LRRC36: variants seen among roughly 807,000 people sequenced by gnomAD.
The protein encoded by LRRC36 is leucine-rich repeat-containing protein 36.
In LRRC36, 62 loss-of-function variants were observed where a neutral mutation model predicts 81.1. That is an observed-to-expected ratio of 0.76 (90% confidence interval 0.62 to 0.94). The LOEUF is 0.94. Among genes scored for constraint, LRRC36 ranks in the 40% least tolerant of loss-of-function variants. LRRC36 has a pLI of 0.00. For synonymous variants in LRRC36, 334 were observed against 348.6 expected, an observed-to-expected ratio of 0.96 and a Z score of 0.47; for missense variants, 761 against 881.7, an observed-to-expected ratio of 0.86 and a Z score of 1.73.
chr16:67,377,457 A>G (rs2039944750), intron 11 of LRRC36, among the ~76,000 whole-genome samples: 1 of 151,796 alleles, frequency 6.6e-6, no homozygotes. Context: ...TCAGCCTCCC[A>G]AGTAGCTGGG....
In LRRC36 at chr16:67,355,488, C is replaced by A. The variant is rs1020152336; in HGVS notation, c.577+5198C>A. On this transcript the variant is annotated intron_variant, in intron 5 of 13. Coordinates refer to ENST00000329956, the MANE Select transcript of LRRC36 (RefSeq NM_018296.6). The stretch of plus-strand genomic sequence containing the variant: ...CTCCCGGGTTCACGCCATTCTCCTG[C>A]CTCAGCCTCCCAAGTAGCTGGGACT... 3.0e-3 allele frequency among the ~76,000 whole-genome samples: 450 copies of A among 148,098 alleles called. 2 individuals carry two copies. The highest frequency in any genetic ancestry group is 0.011 in the African/African-American group (430 of 40,528).
At chr16:67,354,864 C>T (rs2038827445) in intron 5 of LRRC36, among the ~76,000 whole-genome samples, 1 of 152,170 alleles carries the variant, frequency 6.6e-6, no homozygotes, top group African/African-American at 2.4e-5. Flanking sequence ...GTTGTAGTAT[C>T]ATACAAAAAT....
chr16:67,381,887 G>A (rs1246997418), intron 12 of LRRC36, among the ~76,000 whole-genome samples: 1 of 152,168 alleles, frequency 6.6e-6, no homozygotes, highest in Non-Finnish European at 1.5e-5. Context: ...AAAGTGCTGG[G>A]ATTACAGGCG....
Position 67,346,358 on chromosome 16 carries a change from G to T in LRRC36, c.301G>T (p.Glu101Ter). The change falls in exon 3 of 14, where the codon GAA becomes TAA. Residue 101 changes from glutamate (E) to a stop codon, truncating the protein, a stop_gained. Transcript: ENST00000329956. LOFTEE classifies it high-confidence loss of function. ...SRLQPLPFLKELDLRLNPVVR... is the reference protein window; with the variant it reads ...SRLQPLPFLK The stretch of plus-strand genomic sequence containing the variant: ...TCTACAACCGTTACCCTTCCTCAAA[G>T]AACTGGATTTGAGACTTAATCCTGT... 1 of 1,612,042 alleles carries T rather than the reference G, an allele frequency of 6.2e-7. No homozygotes were observed. Among genetic ancestry groups the T allele is most frequent in the Non-Finnish European group, 8.5e-7 (1 of 1,178,290 alleles).
Position 67,367,219 on chromosome 16 carries a change from C to T in LRRC36, c.957C>T (p.Ile319=). ...TGGATGTGGGTGATTCTAGCCAGAT[C>T]CATCCCTATCAGTTACCTTCAGATG... ...KCLDVGDSSQ[I]HPYQLPSDVG... is the part of the protein sequence containing the mutation. Residue 319 remains isoleucine (I), a synonymous_variant, in exon 8 of 14, where the codon ATC becomes ATT. Transcript: ENST00000329956. The T allele has an allele frequency of 1.2e-6, 2 of 1,614,164 alleles. No individual in the cohort carries two copies. Among genetic ancestry groups the T allele is most frequent in the Non-Finnish European group, 1.7e-6 (2 of 1,180,004 alleles).
At chr16:67,329,045 G>C (rs914854245) in intron 1 of LRRC36, among the ~76,000 whole-genome samples, 10 of 152,026 alleles carry the variant, frequency 6.6e-5, no homozygotes, top group Non-Finnish European at 1.5e-4. Flanking sequence ...AAGTAGCTGG[G>C]ACTACAGGCA....
At chr16:67,365,278 T>C in intron 6 of LRRC36, 26 bp from the exon 7 acceptor site, 1 of 1,573,548 alleles carries the variant, frequency 6.4e-7, no homozygotes, top group African/African-American at 1.3e-5. Context: ...GACTTCCTTC[T>C]ACCTAAACTT....
intron 12 of LRRC36, among the ~76,000 whole-genome samples, chr16:67,381,621 A>T (rs1034567155): frequency 6.7e-6 from 1 of 149,048 alleles, no homozygotes; most frequent in Non-Finnish European, 1.5e-5. Flanking sequence ...CATGTGCAAT[A>T]TTTTTTTTTT....
chr16:67,350,391 C>T (rs1255152360), intron 5 of LRRC36, 101 bp downstream of exon 5: 1 of 979,706 alleles, frequency 1.0e-6, no homozygotes, highest in African/African-American at 1.6e-5. Flanking sequence ...TGAGAAAGAA[C>T]CAATTTGAAG....
At chr16:67,330,749 C>A (rs1166787982) in intron 1 of LRRC36, among the ~76,000 whole-genome samples, 1 of 151,970 alleles carries the variant, frequency 6.6e-6, no homozygotes, top group Non-Finnish European at 1.5e-5. Context: ...CCTATAATCC[C>A]AGCTACTCAG....
chr16:67,363,346 C>A (rs1336119767), intron 5 of LRRC36, among the ~76,000 whole-genome samples: 1 of 152,172 alleles, frequency 6.6e-6, no homozygotes, highest in African/African-American at 2.4e-5. Context: ...TATCCATTAT[C>A]CTGTTTTAAC....
Position 67,365,294 on chromosome 16 carries a change from CT to C in LRRC36, c.703-3del, listed in dbSNP as rs758480873. On this transcript the variant is annotated splice_polypyrimidine_tract_variant and intron_variant, in intron 6 of 13. Transcript: ENST00000329956. Reference sequence around the variant, plus strand: ...ACTTCCTTCTACCTAAACTTTCGAACTTTTTTTAGACACAGGAAGTAGCAAG... The same window carrying C: ...ACTTCCTTCTACCTAAACTTTCGAACTTTTTTAGACACAGGAAGTAGCAAG... 3.1e-6 allele frequency: 5 copies of C among 1,611,216 alleles called. No homozygotes were observed. The highest frequency in any genetic ancestry group is 2.2e-5 in the South Asian group (2 of 90,766).
At chr16:67,376,661 C>T (rs1479885854) in intron 10 of LRRC36, 66 bp from the exon 11 acceptor site, 52 of 1,516,382 alleles carry the variant, frequency 3.4e-5, no homozygotes, top group Non-Finnish European at 4.7e-5. Flanking sequence ...CTGGTAGTTA[C>T]TGACTAGGAA....
intron 12 of LRRC36, among the ~76,000 whole-genome samples, chr16:67,380,168 A>T (rs1479055184): frequency 6.6e-6 from 1 of 152,188 alleles, no homozygotes; most frequent in African/African-American, 2.4e-5. Flanking sequence ...GCTGCTATTA[A>T]TGTCTATGTA....
chr16:67,336,473 C>T (rs191083434), intron 1 of LRRC36, among the ~76,000 whole-genome samples: 41 of 152,322 alleles, frequency 2.7e-4, no homozygotes, highest in African/African-American at 9.6e-4. Context: ...CACATCCTCA[C>T]CAACATTTAG....
chr16:67,365,522 T>C (rs1449832949), intron 7 of LRRC36, among the ~76,000 whole-genome samples, 167 bp downstream of exon 7: 1 of 152,240 alleles, frequency 6.6e-6, no homozygotes, highest in East Asian at 1.9e-4. Flanking sequence ...GTGAGACTTT[T>C]CTGCTTAAAG....
At chr16:67,382,423 A>C (rs1206782969) in intron 13 of LRRC36, among the ~76,000 whole-genome samples, 176 bp downstream of exon 13, 1 of 152,226 alleles carries the variant, frequency 6.6e-6, no homozygotes, top group Non-Finnish European at 1.5e-5. Context: ...GCTTCCCAGG[A>C]CACATCAGGG....
intron 5 of LRRC36, among the ~76,000 whole-genome samples, chr16:67,357,525 G>A (rs2038955413): frequency 6.6e-6 from 1 of 152,170 alleles, no homozygotes; most frequent in African/African-American, 2.4e-5. Context: ...AGGAAGGGGA[G>A]GAAAGAGGGT....
intron 1 of LRRC36, among the ~76,000 whole-genome samples, chr16:67,331,962 T>C (rs538572501): frequency 2.3e-4 from 35 of 151,294 alleles, no homozygotes; most frequent in Non-Finnish European, 4.0e-4. Context: ...CACTCCAGCC[T>C]GGGCAAAGAG....
Sources: gnomAD v4.1 joint callset for allele counts (sites outside exome capture counted in the v4.1 genomes callset) on GRCh38, gnomAD v4.1.1 for gene constraint, MANE v1.5 for transcripts, NCBI Gene and HGNC (gene_info 2026-07-23, HGNC 2026-07-21) for gene names.